PTPN14: variants seen among roughly 807,000 people sequenced by gnomAD.
The protein encoded by PTPN14 is protein tyrosine phosphatase non-receptor type 14.
PTPN14 carries 53 observed loss-of-function variants against 126.8 expected under a neutral mutation model. The ratio of observed to expected loss-of-function variants is 0.42; its 90% CI spans 0.34 to 0.53. PTPN14 has a LOEUF of 0.53. PTPN14 is among the 20% of genes least tolerant of loss of function. PTPN14 has a pLI of 0.08. For synonymous variants in PTPN14, 630 were observed against 599.3 expected, an observed-to-expected ratio of 1.05 and a Z score of -0.75; for missense variants, 1,257 against 1,552.9, an observed-to-expected ratio of 0.81 and a Z score of 3.20.
chr1:214,378,628 G>A (rs952823655), intron 13 of PTPN14, among the ~76,000 whole-genome samples: 2 of 152,202 alleles, frequency 1.3e-5, no homozygotes, highest in East Asian at 1.9e-4. Context: ...TGCTGAGGAC[G>A]TTAATTCTAT....
intron 5 of PTPN14, among the ~76,000 whole-genome samples, chr1:214,406,267 C>T (rs1037553497): frequency 1.3e-5 from 2 of 151,966 alleles, no homozygotes; most frequent in African/African-American, 2.4e-5. Flanking sequence ...CACTTGAGGC[C>T]AAGAGTTTGA....
intron 3 of PTPN14, among the ~76,000 whole-genome samples, chr1:214,419,048 C>T (rs1273587849): frequency 6.6e-6 from 1 of 152,162 alleles, no homozygotes; most frequent in South Asian, 2.1e-4. Flanking sequence ...TGCAATTCAT[C>T]GTCAGTATCA....
intron 6 of PTPN14, 90 bp downstream of exon 6, chr1:214,402,793 A>C: frequency 2.1e-6 from 3 of 1,424,748 alleles, no homozygotes; most frequent in Non-Finnish European, 3.0e-6. Context: ...GCTCAAGCCC[A>C]GAGTTGCTGA....
chr1:214,402,989 G>A, intron 5 of PTPN14, 36 bp from the exon 6 acceptor site: 2 of 1,599,260 alleles, frequency 1.3e-6, no homozygotes, highest in Non-Finnish European at 1.7e-6. Context: ...TCACATGAGG[G>A]TGTGGGCATT....
chr1:214,422,912 T>C (rs1182616116), intron 3 of PTPN14, among the ~76,000 whole-genome samples: 2 of 152,160 alleles, frequency 1.3e-5, no homozygotes, highest in Non-Finnish European at 2.9e-5. Flanking sequence ...GAAAACTATG[T>C]GCTTAATAAA....
At chr1:214,499,273 G>C (rs568861400) in intron 1 of PTPN14, among the ~76,000 whole-genome samples, 1 of 152,122 alleles carries the variant, frequency 6.6e-6, no homozygotes, top group South Asian at 2.1e-4. Flanking sequence ...TGAATGAGGA[G>C]GCTCGCTATA....
chr1:214,457,898 G>T (rs560301993), intron 2 of PTPN14, among the ~76,000 whole-genome samples: 2 of 152,194 alleles, frequency 1.3e-5, no homozygotes, highest in South Asian at 4.2e-4. Context: ...ACCACATGTG[G>T]CTACCATATT....
At chr1:214,427,550 C>T (rs1443109105) in intron 3 of PTPN14, among the ~76,000 whole-genome samples, 1 of 152,040 alleles carries the variant, frequency 6.6e-6, no homozygotes, top group African/African-American at 2.4e-5. Context: ...GCTTAATGAG[C>T]ACCTACTACA....
intron 3 of PTPN14, among the ~76,000 whole-genome samples, chr1:214,414,927 T>G (rs1361292410): frequency 6.6e-6 from 1 of 152,232 alleles, no homozygotes; most frequent in African/African-American, 2.4e-5. Context: ...TGCCACATCC[T>G]GTTCATTCTG....
intron 3 of PTPN14, among the ~76,000 whole-genome samples, chr1:214,435,289 G>A (rs1262664844): frequency 6.6e-6 from 1 of 151,772 alleles, no homozygotes. Flanking sequence ...TAAAATGCAA[G>A]TATCACAGAG....
At chr1:214,363,149 T>C (rs1337396964) in intron 18 of PTPN14, among the ~76,000 whole-genome samples, 4 of 152,228 alleles carry the variant, frequency 2.6e-5, no homozygotes, top group African/African-American at 7.2e-5. Flanking sequence ...TTATGTAGTC[T>C]CAACTGATTC....
intron 9 of PTPN14, among the ~76,000 whole-genome samples, chr1:214,394,590 T>C (rs1658834724): frequency 6.6e-6 from 1 of 152,130 alleles, no homozygotes; most frequent in Non-Finnish European, 1.5e-5. Context: ...GTATTTTTAG[T>C]AGAGATGGGG....
At chr1:214,517,242 A>G (rs971565693) in intron 1 of PTPN14, among the ~76,000 whole-genome samples, 6 of 152,208 alleles carry the variant, frequency 3.9e-5, no homozygotes, top group Non-Finnish European at 7.3e-5. Context: ...AGTGTACTAT[A>G]AAATTTCCAC....
intron 1 of PTPN14, among the ~76,000 whole-genome samples, chr1:214,513,046 A>C (rs2102446433): frequency 6.6e-6 from 1 of 152,298 alleles, no homozygotes; most frequent in South Asian, 2.1e-4. Context: ...CCTGGTCCAA[A>C]CACCAATTCA....
rs562219786 is a variant in PTPN14 at position 214,429,323 on chromosome 1, T to C, written c.345-14597A>G. On this transcript the variant is annotated intron_variant, in intron 3 of 18. Transcript: ENST00000366956. ...TTTATTATCTTCTCAGTGAAGGAGA[T>C]CTGTAATAATATTACATGAAAACAA... is the stretch of plus-strand genomic sequence containing the variant. Among the ~76,000 whole-genome samples, 4 of 152,332 alleles carry C rather than the reference T, an allele frequency of 2.6e-5. No homozygotes were observed. The South Asian group carries it at 8.3e-4, about 32-fold the overall frequency.
chr1:214,543,881 A>T (rs1263991197), intron 1 of PTPN14, among the ~76,000 whole-genome samples: 1 of 152,150 alleles, frequency 6.6e-6, no homozygotes, highest in Admixed American at 6.6e-5. Flanking sequence ...AGCCTCCCAA[A>T]ATCCTGGGAT....
At position 214,384,813 on chromosome 1, in the gene PTPN14, G is replaced by C. The variant is rs748134226; in HGVS notation, c.1067-25C>G. 24 of 1,588,928 alleles carry C rather than the reference G, an allele frequency of 1.5e-5. No individual in the cohort carries two copies. The highest frequency in any genetic ancestry group is 2.0e-5 in the Non-Finnish European group (23 of 1,167,068). On this transcript the variant is annotated intron_variant, in intron 12 of 18. Transcript: ENST00000366956. The surrounding 1 kb of genome is among the most constrained non-coding windows in gnomAD (Gnocchi z 5.3). ...TCTACAAGAAGTCAAACAAAGGCACGTGAACCTCCAAGCCATCCTGCCACA... is the reference window on the plus strand; with the variant it reads ...TCTACAAGAAGTCAAACAAAGGCACCTGAACCTCCAAGCCATCCTGCCACA...
chr1:214,433,949 CACAAA>C lies in PTPN14; in HGVS notation c.344+17851_344+17855del, dbSNP rs1245607515. 4.0e-3 allele frequency among the ~76,000 whole-genome samples: 276 copies of C among 68,518 alleles called. 2 individuals carry two copies. Among genetic ancestry groups the C allele is most frequent in the African/African-American group, 0.018 (260 of 14,448 alleles). The allele number at this position is 68,518 out of a possible 152,430, so 45.0% of individuals were successfully genotyped here. On this transcript the variant is annotated intron_variant, in intron 3 of 18. Transcript: ENST00000366956. Reference sequence around the variant, plus strand: ...ACACACACACACACACACACACACACACAAAAAAAAAAAAAAAAAAAAACTCAAAA... The same window carrying C: ...ACACACACACACACACACACACACACAAAAAAAAAAAAAAAAAACTCAAAA...
chr1:214,515,542 T>C (rs1655078859), intron 1 of PTPN14, among the ~76,000 whole-genome samples: 1 of 152,326 alleles, frequency 6.6e-6, no homozygotes, highest in African/African-American at 2.4e-5. Context: ...TGAATCTATA[T>C]ATTGCTTTGT....
Sources: allele counts gnomAD v4.1 joint callset (sites outside exome capture counted in the v4.1 genomes callset), GRCh38; gene constraint gnomAD v4.1.1; non-coding constraint Gnocchi (gnomAD v3.1); transcripts MANE v1.5; gene names NCBI Gene and HGNC (gene_info 2026-07-23, HGNC 2026-07-21).